The following LRRC53 variants were observed in gnomAD, a reference collection of about 807,000 sequenced individuals.
LRRC53 encodes leucine-rich repeat-containing protein 53.
In LRRC53, 25 loss-of-function variants were observed where a neutral mutation model predicts 13.6. The observed-to-expected ratio is 1.83, with a 90% CI of 1.34 to 2.56. The LOEUF (loss-of-function observed/expected upper bound fraction) is 2.56. Among genes scored for constraint, LRRC53 ranks in the 30% most tolerant of loss-of-function variants. The pLI is 0.00. For missense variants in LRRC53, 527 were observed against 275.8 expected, an observed-to-expected ratio of 1.91 and a Z score of -6.45; for synonymous variants, 204 against 109.8, an observed-to-expected ratio of 1.86 and a Z score of -5.37.
chr1:74,519,806 T>A, the LRRC53 span, among the ~76,000 whole-genome samples: 1 of 152,198 alleles, frequency 6.6e-6, no homozygotes, highest in Non-Finnish European at 1.5e-5. Context: ...AAGTTTATAA[T>A]GTGTGTCATT....
intron 1 of LRRC53, among the ~76,000 whole-genome samples, chr1:74,500,781 G>T (rs942676528): frequency 3.3e-5 from 5 of 151,766 alleles, no homozygotes; most frequent in African/African-American, 1.2e-4. Flanking sequence ...TGCACCTTCA[G>T]GGGGAAAATG....
chr1:74,511,195 A>ATTT (rs113121147), intron 1 of LRRC53, among the ~76,000 whole-genome samples: 33 of 144,336 alleles, frequency 2.3e-4, no homozygotes, highest in African/African-American at 8.1e-4. Flanking sequence ...TGCCCGGCCT[A>ATTT]TTTTTTTTTT....
intron 4 of LRRC53, among the ~76,000 whole-genome samples, chr1:74,472,552 T>C (rs1667986988): frequency 1.3e-5 from 2 of 152,150 alleles, no homozygotes; most frequent in Admixed American, 6.6e-5. Flanking sequence ...AATTTTTTCC[T>C]GAATTCATTT....
chr1:74,509,638 A>C (rs1298960308), intron 1 of LRRC53, among the ~76,000 whole-genome samples: 2 of 152,032 alleles, frequency 1.3e-5, no homozygotes, highest in Non-Finnish European at 2.9e-5. Context: ...CCAATATTAA[A>C]ATGTTGATTG....
At chr1:74,520,861 A>C in the LRRC53 span, among the ~76,000 whole-genome samples, 1 of 152,152 alleles carries the variant, frequency 6.6e-6, no homozygotes, top group African/African-American at 2.4e-5. Context: ...TGGAAGGTAC[A>C]TATGGAGCTG....
chr1:74,486,201 A>AAG (rs58506314), intron 1 of LRRC53, among the ~76,000 whole-genome samples: 7,969 of 136,412 alleles, frequency 0.058, 238 homozygotes, highest in Middle Eastern at 0.11. Flanking sequence ...AAATGCTATA[A>AAG]AGAGAGAGAG....
At chr1:74,500,359 T>C (rs1378022486) in intron 1 of LRRC53, among the ~76,000 whole-genome samples, 2 of 151,746 alleles carry the variant, frequency 1.3e-5, no homozygotes, top group South Asian at 2.1e-4. Context: ...ATTTAAGCCT[T>C]GGGAGGCCGA....
intron 1 of LRRC53, among the ~76,000 whole-genome samples, chr1:74,503,832 TGTG>T (rs1383662546): frequency 2.0e-5 from 3 of 152,168 alleles, no homozygotes; most frequent in Admixed American, 6.5e-5. Flanking sequence ...CTCCTAATGT[TGTG>T]GTGGTATGGG....
chr1:74,504,154 T>G (rs1470591210), intron 1 of LRRC53, among the ~76,000 whole-genome samples: 1 of 152,224 alleles, frequency 6.6e-6, no homozygotes, highest in African/African-American at 2.4e-5. Context: ...TATAAATTGA[T>G]TGCTAGTGCC....
the LRRC53 span, among the ~76,000 whole-genome samples, chr1:74,536,827 T>C: frequency 1.3e-5 from 2 of 152,138 alleles, no homozygotes; most frequent in East Asian, 3.9e-4. Context: ...GCATTTACTT[T>C]TGTTGAATTC....
chr1:74,478,777 T>C (rs1668331568), intron 3 of LRRC53, among the ~76,000 whole-genome samples: 2 of 152,234 alleles, frequency 1.3e-5, no homozygotes, highest in South Asian at 4.1e-4. Context: ...TATTGGGATA[T>C]CTATTAATTA....
intron 1 of LRRC53, among the ~76,000 whole-genome samples, chr1:74,511,438 T>C (rs1487716258): frequency 6.6e-6 from 1 of 152,168 alleles, no homozygotes; most frequent in Admixed American, 6.5e-5. Flanking sequence ...CCTCAAGTAA[T>C]TCACTCTTAT....
chr1:74,531,256 C>A, the LRRC53 span, among the ~76,000 whole-genome samples: 2 of 152,194 alleles, frequency 1.3e-5, no homozygotes, highest in Admixed American at 1.3e-4. Context: ...CAATTTAGGA[C>A]ATTGTCAAGT....
At chr1:74,484,757 G>A (rs1169909258) in intron 1 of LRRC53, among the ~76,000 whole-genome samples, 2 of 152,132 alleles carry the variant, frequency 1.3e-5, no homozygotes, top group Non-Finnish European at 2.9e-5. Flanking sequence ...ATACCTTAGA[G>A]ATGAATGCAA....
upstream of LRRC53, among the ~76,000 whole-genome samples, chr1:74,517,202 AG>A (rs974042005): frequency 6.6e-6 from 1 of 152,022 alleles, no homozygotes; most frequent in Admixed American, 6.6e-5. Context: ...TTAAAAAAAA[AG>A]GTTAATAACA....
At chr1:74,475,116 C>CA (rs1668125578) in intron 4 of LRRC53, among the ~76,000 whole-genome samples, 179 bp downstream of exon 4, 51 of 135,994 alleles carry the variant, frequency 3.8e-4, no homozygotes, top group Non-Finnish European at 6.5e-4. Context: ...CCACCTCAGC[C>CA]CACACACACA....
chr1:74,508,471 T>C (rs2100368560), intron 1 of LRRC53, among the ~76,000 whole-genome samples: 2 of 152,332 alleles, frequency 1.3e-5, no homozygotes, highest in Admixed American at 1.3e-4. Flanking sequence ...AAATGCCTGA[T>C]GTAGGACTTA....
the LRRC53 span, among the ~76,000 whole-genome samples, chr1:74,530,046 C>A: frequency 1.3e-5 from 2 of 152,126 alleles, no homozygotes; most frequent in Non-Finnish European, 2.9e-5. Context: ...CTCACTGCAA[C>A]CTCTACCTCC....
rs1667879163 is a variant in LRRC53 at position 74,470,610 on chromosome 1, A to G, written c.3012T>C (p.Tyr1004=). 2 of 400,716 alleles carry G rather than the reference A, an allele frequency of 5.0e-6. No individual in the cohort carries two copies. Among genetic ancestry groups the G allele is most frequent in the Admixed American group, 4.4e-5 (1 of 22,736 alleles). 24.8% of individuals were successfully genotyped at this position (400,716 alleles called of 1,614,324 possible). A position where few individuals can be genotyped will look rare whatever the true frequency, so the allele number is the denominator to read the frequency against. The part of the protein sequence containing the change: ...VEKKLSKTET[Y]DSSLIPQTQS... Reference sequence around the variant, plus strand: ...GTGTTTGGGGAATGAGAGAGGAATCATAAGTTTCTGTTTTTGAAAGTTTTT... The same window carrying G: ...GTGTTTGGGGAATGAGAGAGGAATCGTAAGTTTCTGTTTTTGAAAGTTTTT... The change falls in exon 5 of 5, where the codon TAT becomes TAC. Residue 1004 remains tyrosine, a synonymous_variant. Transcript: ENST00000294635.
Sources: gnomAD v4.1 joint callset for allele counts (sites outside exome capture counted in the v4.1 genomes callset) on GRCh38, gnomAD v4.1.1 for gene constraint, MANE v1.5 for transcripts, NCBI Gene and HGNC (gene_info 2026-07-23, HGNC 2026-07-21) for gene names.